ELAVL3: variants seen among roughly 807,000 people sequenced by gnomAD.
ELAVL3 encodes the protein ELAV-like protein 3.
ELAVL3 carries 8 observed loss-of-function variants against 34.2 expected under a neutral mutation model. The observed-to-expected ratio is 0.23, with a 90% CI of 0.14 to 0.42. The LOEUF is 0.42. Ranked by LOEUF, ELAVL3 falls within the 10% of genes least tolerant of loss-of-function variation. The pLI is 1.00. For synonymous variants in ELAVL3, 209 were observed against 222.1 expected (o/e 0.94, Z 0.53); for missense variants, 273 against 518.8 (o/e 0.53, Z 4.60).
intron 3 of ELAVL3, among the ~76,000 whole-genome samples, chr19:11,461,009 CAAAAA>C (rs535847241): frequency 0.084 from 7,580 of 89,758 alleles, 704 homozygotes; most frequent in African/African-American, 0.21. Flanking sequence ...ACAACCTCTA[CAAAAA>C]AAAAAAAAAA....
In ELAVL3 at chr19:11,454,152, C is replaced by T. The variant is rs1008247709; in HGVS notation, c.*374G>A. 4 of 191,098 alleles carry T rather than the reference C, an allele frequency of 2.1e-5. No homozygotes were observed. Among genetic ancestry groups the T allele is most frequent in the East Asian group, 1.2e-4 (1 of 8,130 alleles). The allele number at this position is 191,098 out of a possible 1,614,324, so 11.8% of individuals were successfully genotyped here. On this transcript the variant is annotated 3_prime_UTR_variant, in exon 7 of 7. Transcript: ENST00000359227. This position sits in a 1 kb window ranked among gnomAD's most constrained non-coding sequence, Gnocchi z 9.2. Reference sequence around the variant, plus strand: ...GGCAAGGGGGTCTGGGAGGGCACCCCCTGGAGCCCCCCAAGCCATCCCATC... The same window carrying T: ...GGCAAGGGGGTCTGGGAGGGCACCCTCTGGAGCCCCCCAAGCCATCCCATC...
chr19:11,476,382 A>C (rs937206377), intron 1 of ELAVL3, among the ~76,000 whole-genome samples: 8 of 151,824 alleles, frequency 5.3e-5, no homozygotes, highest in African/African-American at 1.9e-4. Flanking sequence ...CCACCAAAAA[A>C]TTTCCAAAAA....
In ELAVL3 at chr19:11,480,648, C is replaced by G. The variant is rs1468310268; in HGVS notation, c.-40G>C. The G allele has an allele frequency of 1.4e-6, 2 of 1,415,358 alleles. No homozygotes were observed. Among genetic ancestry groups the G allele is most frequent in the Admixed American group, 2.7e-5 (1 of 36,526 alleles). The allele number at this position is 1,415,358 out of a possible 1,614,324, so 87.7% of individuals were successfully genotyped here. A position where few individuals can be genotyped will look rare whatever the true frequency, so the allele number is the denominator to read the frequency against. ...CGGGCGCGGTCCGTGTTGAGGGGGG[C>G]TCCGGGGGTGGTGCACTCCTAGGGG... is the stretch of plus-strand genomic sequence containing the variant. On this transcript the variant is annotated 5_prime_UTR_variant, in exon 1 of 7. Transcript: ENST00000359227. This position sits in a 1 kb window ranked among gnomAD's most constrained non-coding sequence, Gnocchi z 6.8.
Position 11,452,307 on chromosome 19 carries a change from C to T in ELAVL3, c.*2219G>A, listed in dbSNP as rs1568375252. 1 of 152,162 alleles carries T rather than the reference C, an allele frequency of 6.6e-6. No individual in the cohort carries two copies. Among genetic ancestry groups the T allele is most frequent in the Non-Finnish European group, 1.5e-5 (1 of 68,026 alleles). 9.4% of individuals were successfully genotyped at this position (152,162 alleles called of 1,614,324 possible). A position where few individuals can be genotyped will look rare whatever the true frequency, so the allele number is the denominator to read the frequency against. On this transcript the variant is annotated 3_prime_UTR_variant, in exon 7 of 7. Transcript: ENST00000359227. ...GCAAAACTTAAAGAAACAAAGAGAACATTGTCGTTCCTTTAACTTGCAAAC... is the reference window on the plus strand; with the variant it reads ...GCAAAACTTAAAGAAACAAAGAGAATATTGTCGTTCCTTTAACTTGCAAAC...
rs1343379834 is a variant in ELAVL3 at position 11,454,831 on chromosome 19, T to C, written c.799A>G (p.Met267Val). Residue 267 changes from methionine to valine, a missense_variant, in exon 7 of 7, where the codon ATG becomes GTG. By Grantham distance (21) the Met-to-Val change is conservative (BLOSUM62 1). This residue lies in a region of ELAVL3 where 79 missense variants were observed against 108.2 expected (regional missense o/e 0.73). Transcript: ENST00000359227. This position sits in a 1 kb window ranked among gnomAD's most constrained non-coding sequence, Gnocchi z 9.2. ...AGGCCCACGCCCGCCAGGCCGCTCA[T>C]ACCATCGATGGCGATCGGCGAGAAC... ...ARFSPIAIDG[M>V]SGLAGVGLSG... 1 of 1,608,908 alleles carries C rather than the reference T, an allele frequency of 6.2e-7. No homozygotes were observed. The highest frequency in any genetic ancestry group is 1.1e-5 in the South Asian group (1 of 90,956).
At chr19:11,476,249 A>G (rs985283708) in intron 1 of ELAVL3, among the ~76,000 whole-genome samples, 13 of 152,304 alleles carry the variant, frequency 8.5e-5, no homozygotes, top group African/African-American at 3.1e-4. Context: ...TCCTTTCTCC[A>G]TTTAATACAC....
intron 3 of ELAVL3, among the ~76,000 whole-genome samples, chr19:11,465,349 T>TAC (rs562267519): frequency 8.2e-6 from 1 of 121,244 alleles, no homozygotes; most frequent in African/African-American, 3.8e-5. Context: ...CACACATGCG[T>TAC]ACACACACAC....
chr19:11,470,294 G>A (rs919232278), intron 1 of ELAVL3, among the ~76,000 whole-genome samples: 3 of 152,182 alleles, frequency 2.0e-5, no homozygotes, highest in African/African-American at 7.2e-5. Context: ...AGTGGAGGCT[G>A]CAGTGAGCTG....
Position 11,451,468 on chromosome 19 carries a change from T to G in ELAVL3, c.*3058A>C, listed in dbSNP as rs1457813029. 2.0e-5 allele frequency: 3 copies of G among 151,308 alleles called. No homozygotes were observed. The highest frequency in any genetic ancestry group is 6.6e-5 in the Admixed American group (1 of 15,250). 9.4% of individuals were successfully genotyped at this position (151,308 alleles called of 1,614,324 possible). A position where few individuals can be genotyped will look rare whatever the true frequency, so the allele number is the denominator to read the frequency against. ...ACGCGAAGTGTTCTTGTTGGGTTTT[T>G]TTTTTTTTTTTGTCTTTTGTTTTGT... On this transcript the variant is annotated 3_prime_UTR_variant, in exon 7 of 7. Coordinates refer to ENST00000359227, the MANE Select transcript of ELAVL3 (RefSeq NM_001420.4).
At chr19:11,460,858 A>T (rs1182111228) in intron 3 of ELAVL3, among the ~76,000 whole-genome samples, 2 of 152,038 alleles carry the variant, frequency 1.3e-5, no homozygotes, top group African/African-American at 4.8e-5. Context: ...GCAGGTGTTT[A>T]AAAAAATGGT....
At position 11,466,871 on chromosome 19, in the gene ELAVL3, C is replaced by T; in HGVS notation, c.10-44G>A. ...ATCCGCTCACCGCCCAGTCCCCACACCAGGGGCCTGCGGCAATGAGTGGCT... is the reference window on the plus strand; with the variant it reads ...ATCCGCTCACCGCCCAGTCCCCACATCAGGGGCCTGCGGCAATGAGTGGCT... On this transcript the variant is annotated intron_variant, in intron 1 of 6. Transcript: ENST00000359227. The surrounding 1 kb of genome is among the most constrained non-coding windows in gnomAD (Gnocchi z 5.0). 4 of 1,514,148 alleles carry T rather than the reference C, an allele frequency of 2.6e-6. No homozygotes were observed. The highest frequency in any genetic ancestry group is 3.6e-6 in the Non-Finnish European group (4 of 1,113,222). 93.8% of individuals were successfully genotyped at this position (1,514,148 alleles called of 1,614,324 possible).
chr19:11,457,103 CTG>C lies in ELAVL3; in HGVS notation c.752+5_752+6del, dbSNP rs769019714. The C allele has an allele frequency of 6.5e-7, 1 of 1,527,752 alleles. No individual in the cohort carries two copies. The highest frequency in any genetic ancestry group is 1.4e-5 in the African/African-American group (1 of 69,312). 94.6% of individuals were successfully genotyped at this position (1,527,752 alleles called of 1,614,324 possible). ...GGGTGGGGACAGTGGGGCGGGGTCA[CTG>C]TTACCTCTTGACGCCGTAGGCCATG... On this transcript the variant is annotated splice_donor_5th_base_variant and intron_variant, in intron 6 of 6. Coordinates refer to ENST00000359227, the MANE Select transcript of ELAVL3 (RefSeq NM_001420.4).
At chr19:11,469,787 G>A (rs888351784) in intron 1 of ELAVL3, among the ~76,000 whole-genome samples, 1 of 152,164 alleles carries the variant, frequency 6.6e-6, no homozygotes, top group African/African-American at 2.4e-5. Context: ...GCTGGGTACA[G>A]TGACTTACGC....
In ELAVL3 at chr19:11,458,449, C is replaced by G. The variant is rs1465809987; in HGVS notation, c.487+9G>C. The G allele has an allele frequency of 1.9e-6, 3 of 1,613,914 alleles. No individual in the cohort carries two copies. Among genetic ancestry groups the G allele is most frequent in the Middle Eastern group, 1.6e-4 (1 of 6,084 alleles). On this transcript the variant is annotated intron_variant, in intron 4 of 6. Coordinates refer to ENST00000359227, the MANE Select transcript of ELAVL3 (RefSeq NM_001420.4). The surrounding 1 kb of genome is among the most constrained non-coding windows in gnomAD (Gnocchi z 7.3). The stretch of plus-strand genomic sequence containing the variant: ...CCCCCGCCAGGTGCACCCTCCCTGA[C>G]TGCCTGACCTGTGACCTGGTCCACC...
At chr19:11,470,992 G>T (rs1971151515) in intron 1 of ELAVL3, among the ~76,000 whole-genome samples, 1 of 152,080 alleles carries the variant, frequency 6.6e-6, no homozygotes, top group Non-Finnish European at 1.5e-5. Flanking sequence ...ACTACAGGTG[G>T]GCGCCACCAT....
chr19:11,462,750 G>C (rs1300211743), intron 3 of ELAVL3, among the ~76,000 whole-genome samples: 2 of 151,438 alleles, frequency 1.3e-5, no homozygotes, highest in Non-Finnish European at 2.9e-5. Context: ...TCTGAGGTTG[G>C]GAGTTCGAGA....
rs1970680028 is a variant in ELAVL3 at position 11,452,781 on chromosome 19, G to A, written c.*1745C>T. 1 of 151,956 alleles carries A rather than the reference G, an allele frequency of 6.6e-6. No homozygotes were observed. The highest frequency in any genetic ancestry group is 1.5e-5 in the Non-Finnish European group (1 of 67,996). 9.4% of individuals were successfully genotyped at this position (151,956 alleles called of 1,614,324 possible). A position where few individuals can be genotyped will look rare whatever the true frequency, so the allele number is the denominator to read the frequency against. The stretch of plus-strand genomic sequence containing the variant: ...AGTTCCGATGGGGCCGCTGAGTGGG[G>A]TGGGGAGCGGTGCGAGGGCTCCCAG... On this transcript the variant is annotated 3_prime_UTR_variant, in exon 7 of 7. Transcript: ENST00000359227.
At chr19:11,475,612 C>CTTT (rs35672237) in intron 1 of ELAVL3, among the ~76,000 whole-genome samples, 1 of 133,766 alleles carries the variant, frequency 7.5e-6, no homozygotes, top group Non-Finnish European at 1.6e-5. Context: ...TCACCATCTA[C>CTTT]TTTTTTTTTT....
At position 11,454,460 on chromosome 19, in the gene ELAVL3, T is replaced by C; in HGVS notation, c.*66A>G. The C allele has an allele frequency of 7.2e-7, 1 of 1,389,668 alleles. No homozygotes were observed. The highest frequency in any genetic ancestry group is 9.5e-7 in the Non-Finnish European group (1 of 1,048,106). The allele number at this position is 1,389,668 out of a possible 1,614,324, so 86.1% of individuals were successfully genotyped here. ...CTCTCTTGGGCCCCTTCTCTCTCTC[T>C]CTCTCTCTTTCTCTCTCTCTCTCTC... On this transcript the variant is annotated 3_prime_UTR_variant, in exon 7 of 7. Transcript: ENST00000359227. This position sits in a 1 kb window ranked among gnomAD's most constrained non-coding sequence, Gnocchi z 9.2.
Sources: gnomAD v4.1 joint callset for allele counts (sites outside exome capture counted in the v4.1 genomes callset) on GRCh38, gnomAD v4.1.1 for gene constraint, gnomAD v4.1.1 regional missense constraint, Gnocchi (gnomAD v3.1) non-coding constraint, MANE v1.5 for transcripts, NCBI Gene and HGNC (gene_info 2026-07-23, HGNC 2026-07-21) for gene names.